Variants in OPCML observed in about 807,000 individuals in gnomAD.
The protein encoded by OPCML is opioid-binding protein/cell adhesion molecule.
OPCML carries 13 observed loss-of-function variants against 37.8 expected under a neutral mutation model. That is an observed-to-expected ratio of 0.34 (90% CI 0.22 to 0.55). OPCML has a LOEUF of 0.55. OPCML is among the 20% of genes least tolerant of loss of function. The probability of loss-of-function intolerance (pLI) is 0.91; values close to 1 mark genes in which losing one functional copy is unlikely to be tolerated. For missense variants in OPCML, 341 were observed against 435.6 expected, an observed-to-expected ratio of 0.78 and a Z score of 1.93; for synonymous variants, 176 against 168.8, an observed-to-expected ratio of 1.04 and a Z score of -0.33.
intron 1 of OPCML, among the ~76,000 whole-genome samples, chr11:133,086,779 C>T (rs949172785): frequency 1.3e-5 from 2 of 152,192 alleles, no homozygotes; most frequent in African/African-American, 2.4e-5. Flanking sequence ...CTGTTCTACT[C>T]TGCTTTTATG....
chr11:132,989,916 T>A (rs976791364), intron 1 of OPCML, among the ~76,000 whole-genome samples: 16 of 152,214 alleles, frequency 1.1e-4, no homozygotes, highest in South Asian at 2.1e-4. Flanking sequence ...ATTTATTTTA[T>A]CACCCTTGGA....
chr11:133,505,448 G>A (rs79094382), intron 1 of OPCML, among the ~76,000 whole-genome samples: 2,212 of 152,266 alleles, frequency 0.015, 28 homozygotes, highest in Non-Finnish European at 0.024. Context: ...GCACCTGCTC[G>A]GGAACCTCCT....
At chr11:132,486,902 A>G (rs2096201649) in intron 4 of OPCML, among the ~76,000 whole-genome samples, 1 of 152,206 alleles carries the variant, frequency 6.6e-6, no homozygotes, top group African/African-American at 2.4e-5. Flanking sequence ...TCTTATTTAC[A>G]ACAAGCCCAC....
chr11:132,715,071 G>C (rs1392716049), intron 2 of OPCML, among the ~76,000 whole-genome samples: 1 of 152,180 alleles, frequency 6.6e-6, no homozygotes, highest in African/African-American at 2.4e-5. Flanking sequence ...GCAGCTCTCA[G>C]ACAGATCACC....
At chr11:132,910,489 G>T (rs1172656825) in intron 2 of OPCML, among the ~76,000 whole-genome samples, 2 of 152,236 alleles carry the variant, frequency 1.3e-5, no homozygotes, top group East Asian at 3.8e-4. Flanking sequence ...TTCACATAGG[G>T]AGGATGCAAA....
intron 1 of OPCML, among the ~76,000 whole-genome samples, chr11:133,505,135 G>A (rs562834934): frequency 1.4e-4 from 22 of 152,274 alleles, no homozygotes; most frequent in South Asian, 6.2e-4. Context: ...ATCAAACCCC[G>A]GAATTCCCTC....
At chr11:133,421,608 C>T (rs2136895127) in intron 1 of OPCML, 6 of 985,404 alleles carry the variant, frequency 6.1e-6, no homozygotes, top group African/African-American at 1.7e-5. Context: ...CCTCTATAAC[C>T]ATTGAATGTT....
intron 4 of OPCML, among the ~76,000 whole-genome samples, chr11:132,521,133 G>T (rs1247643201): frequency 1.3e-5 from 2 of 152,210 alleles, no homozygotes; most frequent in Admixed American, 1.3e-4. Flanking sequence ...AGTGATCTGT[G>T]ATGATGAGCT....
In OPCML at chr11:132,793,735, A is replaced by T. The variant is rs190617562; in HGVS notation, c.147-136416T>A. 4.6e-5 allele frequency among the ~76,000 whole-genome samples: 7 copies of T among 152,186 alleles called. No individual in the cohort carries two copies. The East Asian group carries it at 1.4e-3, about 29-fold the overall frequency. On this transcript the variant is annotated intron_variant, in intron 2 of 7. Transcript: ENST00000524381. ...CATGATGCCACTGTCATCTCCTAAT[A>T]TGTCTCAAGTCTGTCCCCCATCTCT...
At chr11:132,479,317 G>A (rs944982435) in intron 4 of OPCML, among the ~76,000 whole-genome samples, 12 of 151,908 alleles carry the variant, frequency 7.9e-5, no homozygotes, top group East Asian at 7.8e-4. Context: ...CTTTTCCGAC[G>A]GGCTTAAAAA....
At chr11:133,007,167 T>C (rs1427618591) in intron 1 of OPCML, 5 of 985,328 alleles carry the variant, frequency 5.1e-6, no homozygotes, top group Non-Finnish European at 6.0e-6. Context: ...CCACAGATTG[T>C]GGCCTTGGGG....
intron 3 of OPCML, among the ~76,000 whole-genome samples, chr11:132,571,644 C>A (rs2096438786): frequency 6.6e-6 from 1 of 152,184 alleles, no homozygotes; most frequent in South Asian, 2.1e-4. Context: ...CATACACATA[C>A]ACCACGTTGT....
chr11:132,432,348 G>C (rs1028327639), intron 7 of OPCML, among the ~76,000 whole-genome samples: 3 of 152,306 alleles, frequency 2.0e-5, no homozygotes, highest in African/African-American at 7.2e-5. Context: ...CCAGGAGAAA[G>C]AGCAGGTCAA....
chr11:132,883,243 C>T (rs537140957), intron 2 of OPCML, among the ~76,000 whole-genome samples: 10 of 151,018 alleles, frequency 6.6e-5, no homozygotes, highest in Admixed American at 4.6e-4. Context: ...AAATACTGTA[C>T]GCATGCTGGG....
intron 2 of OPCML, among the ~76,000 whole-genome samples, chr11:132,918,405 T>C (rs1041211074): frequency 6.6e-6 from 1 of 152,212 alleles, no homozygotes; most frequent in South Asian, 2.1e-4. Flanking sequence ...AGCTTCCCTG[T>C]ACCTCCTGCA....
intron 1 of OPCML, chr11:133,420,852 C>T (rs1167548326): frequency 1.0e-6 from 1 of 985,184 alleles, no homozygotes; most frequent in Admixed American, 6.2e-5. Context: ...TATTATTGGT[C>T]CTGGCAGTTA....
intron 3 of OPCML, among the ~76,000 whole-genome samples, chr11:132,584,495 T>C (rs1323546792): frequency 3.3e-5 from 5 of 152,210 alleles, no homozygotes; most frequent in Non-Finnish European, 7.3e-5. Flanking sequence ...TTAATACTTT[T>C]ATTTAAAATA....
chr11:133,194,501 C>T (rs1056378636), intron 1 of OPCML, among the ~76,000 whole-genome samples: 9 of 152,128 alleles, frequency 5.9e-5, no homozygotes, highest in Admixed American at 2.6e-4. Flanking sequence ...TGAGCCACTG[C>T]GCCCGGCTGC....
At chr11:132,706,651 C>T (rs11223177) in intron 2 of OPCML, among the ~76,000 whole-genome samples, 22,132 of 152,064 alleles carry the variant, frequency 0.15, 1,936 homozygotes, top group Non-Finnish European at 0.19. Flanking sequence ...CTCTAACCCC[C>T]TACTACACCA....
Sources: allele counts gnomAD v4.1 joint callset (sites outside exome capture counted in the v4.1 genomes callset), GRCh38; gene constraint gnomAD v4.1.1; transcripts MANE v1.5; gene names NCBI Gene and HGNC (gene_info 2026-07-23, HGNC 2026-07-21).